Variants in ADAM23 observed in about 807,000 individuals in gnomAD.
The protein encoded by ADAM23 is disintegrin and metalloproteinase domain-containing protein 23.
Under a neutral mutation model 120.1 loss-of-function variants are expected in ADAM23, and 33 were observed. That is an observed-to-expected ratio of 0.27 (90% confidence interval 0.21 to 0.37). The LOEUF (loss-of-function observed/expected upper bound fraction) is 0.37, where lower values mean the gene tolerates loss of function less well. Among genes scored for constraint, ADAM23 ranks in the 10% least tolerant of loss-of-function variants. The pLI is 1.00. For missense variants in ADAM23, 862 were observed against 1,058.2 expected, an observed-to-expected ratio of 0.81 and a Z score of 2.57; for synonymous variants, 367 against 375.2, an observed-to-expected ratio of 0.98 and a Z score of 0.25.
chr2:206,449,775 CAAAA>C (rs1046610980), intron 2 of ADAM23, among the ~76,000 whole-genome samples: 5 of 152,068 alleles, frequency 3.3e-5, no homozygotes, highest in African/African-American at 1.2e-4. Context: ...AACAAACAAA[CAAAA>C]AACCCCCCTA....
chr2:206,484,958 T>C (rs980999402), intron 3 of ADAM23, among the ~76,000 whole-genome samples: 1 of 152,180 alleles, frequency 6.6e-6, no homozygotes, highest in Admixed American at 6.5e-5. Flanking sequence ...AAGACATGCC[T>C]TTGCTCCTCC....
chr2:206,540,688 A>G (rs930299367), intron 4 of ADAM23, among the ~76,000 whole-genome samples: 5 of 152,214 alleles, frequency 3.3e-5, no homozygotes, highest in African/African-American at 1.2e-4. Flanking sequence ...AGAAGAAACA[A>G]GTCAACTTAT....
At chr2:206,526,155 C>G (rs937661633) in intron 3 of ADAM23, among the ~76,000 whole-genome samples, 19 of 150,388 alleles carry the variant, frequency 1.3e-4, no homozygotes, top group Admixed American at 2.7e-4. Context: ...CACACACACA[C>G]ACACACACAC....
chr2:206,564,936 T>G, intron 13 of ADAM23, 84 bp from the exon 14 acceptor site: 1 of 1,383,872 alleles, frequency 7.2e-7, no homozygotes, highest in South Asian at 1.2e-5. Flanking sequence ...TAAAGAATTA[T>G]TGTAGGAGTT....
chr2:206,453,439 A>G (rs190173085), intron 2 of ADAM23, among the ~76,000 whole-genome samples: 60 of 152,354 alleles, frequency 3.9e-4, no homozygotes, highest in Non-Finnish European at 7.9e-4. Context: ...GTATACAATT[A>G]TAAGGCTTTA....
intron 2 of ADAM23, among the ~76,000 whole-genome samples, chr2:206,448,130 C>A (rs185614006): frequency 1.2e-3 from 190 of 152,240 alleles, no homozygotes; most frequent in Non-Finnish European, 2.0e-3. Flanking sequence ...GATGTATAAC[C>A]AGTTGTCCAA....
chr2:206,556,664 CTATT>C (rs1233619570), intron 9 of ADAM23, among the ~76,000 whole-genome samples: 2 of 152,186 alleles, frequency 1.3e-5, no homozygotes, highest in Admixed American at 6.5e-5. Flanking sequence ...TAGAATTACT[CTATT>C]AATTTACTTT....
rs77766788 is a variant in ADAM23 at position 206,486,174 on chromosome 2, T to G, written c.509+4866T>G. On this transcript the variant is annotated intron_variant, in intron 3 of 25. Coordinates refer to ENST00000264377, the MANE Select transcript of ADAM23 (RefSeq NM_003812.4). ...AAGAGACATGGTCAGATTTCTATTTTATTTAGCCCCAAAGGTCTTAGTTAT... is the reference window on the plus strand; with the variant it reads ...AAGAGACATGGTCAGATTTCTATTTGATTTAGCCCCAAAGGTCTTAGTTAT... Among the ~76,000 whole-genome samples, 45 of 152,294 alleles carry G rather than the reference T, an allele frequency of 3.0e-4. No homozygotes were observed. The East Asian group carries it at 8.1e-3, about 27-fold the overall frequency.
chr2:206,592,349 G>A (rs571958294), intron 21 of ADAM23, among the ~76,000 whole-genome samples: 1 of 152,210 alleles, frequency 6.6e-6, no homozygotes, highest in African/African-American at 2.4e-5. Context: ...AGGAAAGTGG[G>A]CGTCGAGAAT....
chr2:206,569,628 G>A (rs1202187543), intron 15 of ADAM23, among the ~76,000 whole-genome samples: 1 of 152,172 alleles, frequency 6.6e-6, no homozygotes, highest in East Asian at 1.9e-4. Flanking sequence ...GGGGAGCCTG[G>A]TATAAAGTGC....
chr2:206,508,238 C>A (rs1696538921), intron 3 of ADAM23, among the ~76,000 whole-genome samples: 1 of 152,146 alleles, frequency 6.6e-6, no homozygotes, highest in African/African-American at 2.4e-5. Context: ...ACCGTGTTAG[C>A]CAGGATGGTC....
At chr2:206,555,221 T>G (rs1697619314) in intron 9 of ADAM23, among the ~76,000 whole-genome samples, 1 of 152,178 alleles carries the variant, frequency 6.6e-6, no homozygotes, top group Non-Finnish European at 1.5e-5. Flanking sequence ...TGAATAGAAC[T>G]TCTGAATCAG....
intron 3 of ADAM23, among the ~76,000 whole-genome samples, chr2:206,528,013 G>A (rs1406653041): frequency 1.3e-5 from 2 of 152,238 alleles, no homozygotes; most frequent in East Asian, 3.8e-4. Context: ...GATAATTAAA[G>A]TGACCTTTAT....
intron 4 of ADAM23, among the ~76,000 whole-genome samples, chr2:206,531,585 A>G (rs1371304553): frequency 1.3e-5 from 2 of 151,646 alleles, no homozygotes; most frequent in African/African-American, 4.8e-5. Context: ...GGATTAAAGC[A>G]AGAGAGAGAG....
At chr2:206,573,647 C>T (rs1698051346) in intron 18 of ADAM23, among the ~76,000 whole-genome samples, 1 of 151,756 alleles carries the variant, frequency 6.6e-6, no homozygotes, top group South Asian at 2.1e-4. Flanking sequence ...ATTGGACATG[C>T]ATTAAGACAT....
chr2:206,503,568 A>G (rs1326216392), intron 3 of ADAM23, among the ~76,000 whole-genome samples: 1 of 152,082 alleles, frequency 6.6e-6, no homozygotes, highest in Non-Finnish European at 1.5e-5. Context: ...GACCACTCTG[A>G]CCCTCAGTTT....
chr2:206,598,786 G>A (rs1006414588), intron 24 of ADAM23, among the ~76,000 whole-genome samples: 18 of 151,834 alleles, frequency 1.2e-4, no homozygotes, highest in African/African-American at 4.4e-4. Flanking sequence ...TATAATCCCA[G>A]CTACTTGGGA....
intron 8 of ADAM23, among the ~76,000 whole-genome samples, chr2:206,549,650 T>C (rs1697472214): frequency 1.3e-5 from 2 of 152,060 alleles, no homozygotes; most frequent in African/African-American, 4.8e-5. Context: ...GTATCAGATA[T>C]ATCTGGAAGT....
At chr2:206,473,429 G>A (rs1001267917) in intron 2 of ADAM23, among the ~76,000 whole-genome samples, 2 of 151,886 alleles carry the variant, frequency 1.3e-5, no homozygotes, top group South Asian at 4.2e-4. Context: ...TATTGTGTGT[G>A]GTATCTTTAC....
Sources: gnomAD v4.1 joint callset for allele counts (sites outside exome capture counted in the v4.1 genomes callset) on GRCh38, gnomAD v4.1.1 for gene constraint, MANE v1.5 for transcripts, NCBI Gene and HGNC (gene_info 2026-07-23, HGNC 2026-07-21) for gene names.